PTBP3: variants seen among roughly 807,000 people sequenced by gnomAD.
PTBP3 encodes the protein polypyrimidine tract binding protein 3.
A neutral mutation model predicts 58.7 loss-of-function variants in PTBP3; 20 were observed. The ratio of observed to expected loss-of-function variants is 0.34; its 90% CI spans 0.24 to 0.50. PTBP3 has a LOEUF of 0.50. Ranked by LOEUF, PTBP3 falls within the 20% of genes least tolerant of loss-of-function variation. The pLI is 0.98. For missense variants in PTBP3, 509 were observed against 637.2 expected (o/e 0.80, Z 2.17); for synonymous variants, 185 against 219.8 (o/e 0.84, Z 1.40).
At chr9:112,281,184 T>C (rs960868200) in intron 2 of PTBP3, 12 of 188,920 alleles carry the variant, frequency 6.4e-5, no homozygotes, top group Admixed American at 5.4e-4. Context: ...TTAGAATTAC[T>C]TTAGTCCTCC....
At chr9:112,351,353 G>C in the PTBP3 span, among the ~76,000 whole-genome samples, 208 of 152,260 alleles carry the variant, frequency 1.4e-3, no homozygotes, top group African/African-American at 4.6e-3. Flanking sequence ...ATATGTTTTT[G>C]GGAGAAAGAC....
chr9:112,360,933 A>G, the PTBP3 span, among the ~76,000 whole-genome samples: 1 of 152,198 alleles, frequency 6.6e-6, no homozygotes, highest in Non-Finnish European at 1.5e-5. Context: ...TTATTATGCA[A>G]GCTCAGGGTT....
chr9:112,283,228 G>C (rs1040291726), intron 2 of PTBP3, among the ~76,000 whole-genome samples: 4 of 152,238 alleles, frequency 2.6e-5, no homozygotes, highest in Non-Finnish European at 4.4e-5. Context: ...AAATGTGGAA[G>C]TGACTTTGGA....
At position 112,308,243 on chromosome 9, in the gene PTBP3, T is replaced by C. The variant is rs1399592847; in HGVS notation, c.-51-10327A>G. Among the ~76,000 whole-genome samples, 6 of 151,828 alleles carry C rather than the reference T, an allele frequency of 4.0e-5. No individual in the cohort carries two copies. The East Asian group carries it at 1.2e-3, about 30-fold the overall frequency. On this transcript the variant is annotated intron_variant, in intron 1 of 13. Transcript: ENST00000374257. ...GGTCTCACTTCGTTGTCCAGGCTGG[T>C]CTCAAACTCCTGGGCTCAAGTGATC...
chr9:112,291,954 A>C (rs1828452160), intron 2 of PTBP3, among the ~76,000 whole-genome samples: 1 of 90,708 alleles, frequency 1.1e-5, no homozygotes, highest in South Asian at 5.0e-4. Flanking sequence ...AAGAAATCAT[A>C]AACTACATAC....
the PTBP3 span, among the ~76,000 whole-genome samples, chr9:112,348,820 C>A: frequency 6.6e-6 from 1 of 152,000 alleles, no homozygotes; most frequent in Non-Finnish European, 1.5e-5. Context: ...CTAACAATAC[C>A]ACCCCCCCTC....
chr9:112,346,008 A>G, the PTBP3 span, among the ~76,000 whole-genome samples: 1 of 151,212 alleles, frequency 6.6e-6, no homozygotes, highest in African/African-American at 2.4e-5. Flanking sequence ...GGTGCCCGCC[A>G]TCATGCCCAG....
At chr9:112,377,485 A>T in the PTBP3 span, among the ~76,000 whole-genome samples, 1 of 152,208 alleles carries the variant, frequency 6.6e-6, no homozygotes, top group African/African-American at 2.4e-5. Flanking sequence ...TCATGGAAGC[A>T]CCTTAGTTCC....
At chr9:112,307,809 CAG>C (rs1228469399) in intron 1 of PTBP3, among the ~76,000 whole-genome samples, 3 of 152,166 alleles carry the variant, frequency 2.0e-5, no homozygotes, top group African/African-American at 4.8e-5. Context: ...ATGAGGAAAA[CAG>C]AGTTATTAGT....
At chr9:112,358,907 T>A in the PTBP3 span, among the ~76,000 whole-genome samples, 3 of 152,134 alleles carry the variant, frequency 2.0e-5, no homozygotes, top group Non-Finnish European at 4.4e-5. Context: ...AGTGGCACAA[T>A]CACTATAGCC....
At chr9:112,239,854 G>A (rs1198866701) in intron 7 of PTBP3, among the ~76,000 whole-genome samples, 1 of 97,036 alleles carries the variant, frequency 1.0e-5, no homozygotes, top group African/African-American at 3.7e-5. Flanking sequence ...AGGGAGGGAG[G>A]GAGGGAGGGA....
intron 6 of PTBP3, among the ~76,000 whole-genome samples, chr9:112,252,051 GT>G (rs1836144597): frequency 6.6e-6 from 1 of 152,010 alleles, no homozygotes; most frequent in South Asian, 2.1e-4. Context: ...CAAGAGGTAT[GT>G]CTAAGATAAT....
chr9:112,245,894 A>G (rs534196453), intron 7 of PTBP3, among the ~76,000 whole-genome samples: 1 of 152,352 alleles, frequency 6.6e-6, no homozygotes, highest in East Asian at 1.9e-4. Context: ...CCTTACTGAC[A>G]TGAAATAAAT....
At chr9:112,246,874 A>G (rs999365930) in intron 7 of PTBP3, among the ~76,000 whole-genome samples, 1 of 152,190 alleles carries the variant, frequency 6.6e-6, no homozygotes, top group Admixed American at 6.5e-5. Context: ...AATTAACATC[A>G]TGTGTCTCCT....
chr9:112,281,305 T>C (rs1465554494), intron 2 of PTBP3: 2 of 171,722 alleles, frequency 1.2e-5, no homozygotes, highest in Non-Finnish European at 2.6e-5. Flanking sequence ...TTACAATACT[T>C]TTCCTTGAGA....
chr9:112,295,898 A>G (rs919150697), intron 2 of PTBP3, among the ~76,000 whole-genome samples: 4 of 152,190 alleles, frequency 2.6e-5, no homozygotes, highest in African/African-American at 9.6e-5. Flanking sequence ...GGGAAGAAGG[A>G]TTCTTTGTTT....
At chr9:112,299,160 T>C (rs1828810435) in intron 1 of PTBP3, among the ~76,000 whole-genome samples, 1 of 152,208 alleles carries the variant, frequency 6.6e-6, no homozygotes, top group African/African-American at 2.4e-5. Flanking sequence ...ATGATTTTTA[T>C]ATATGAGGAA....
intron 1 of PTBP3, among the ~76,000 whole-genome samples, chr9:112,320,291 A>AAAAATATATATATATATATAT (rs1411646280): frequency 5.4e-5 from 4 of 73,532 alleles, no homozygotes; most frequent in African/African-American, 2.7e-4. Context: ...AAAAAAAAAA[A>AAAAATATATATATATATATAT]ATATATATAT....
chr9:112,361,107 G>C, the PTBP3 span, among the ~76,000 whole-genome samples: 1 of 151,420 alleles, frequency 6.6e-6, no homozygotes, highest in Non-Finnish European at 1.5e-5. Context: ...TTTATTTTTT[G>C]TTTTTTTGAG....
Sources: gnomAD v4.1 joint callset for allele counts (sites outside exome capture counted in the v4.1 genomes callset) on GRCh38, gnomAD v4.1.1 for gene constraint, MANE v1.5 for transcripts, NCBI Gene and HGNC (gene_info 2026-07-23, HGNC 2026-07-21) for gene names.